Variants in SCN2A observed in about 807,000 individuals in gnomAD.
SCN2A encodes sodium voltage-gated channel alpha subunit 2.
In SCN2A, 20 loss-of-function variants were observed where a neutral mutation model predicts 188.7. The observed-to-expected ratio is 0.11, with a 90% confidence interval of 0.07 to 0.15. The LOEUF (loss-of-function observed/expected upper bound fraction) is 0.15, where lower values mean the gene tolerates loss of function less well. Ranked by LOEUF, SCN2A falls within the 10% of genes least tolerant of loss-of-function variation. SCN2A has a pLI of 1.00. For synonymous variants in SCN2A, 804 were observed against 833.1 expected (o/e 0.97, Z 0.60); for missense variants, 1,278 against 2,445.0 (o/e 0.52, Z 10.07).
In SCN2A at chr2:165,296,048, A is replaced by C; in HGVS notation, c.225A>C (p.Ser75=). 6.2e-7 allele frequency: 1 copy of C among 1,614,100 alleles called. No homozygotes were observed. Residue 75 remains serine, a synonymous_variant, in exon 2 of 27, where the codon TCA becomes TCC. Coordinates refer to ENST00000375437, the MANE Select transcript of SCN2A (RefSeq NM_001040142.2). ...GAGACATTCCTCCAGAGATGGTGTC[A>C]GTGCCCCTGGAGGATCTGGACCCCT... The part of the protein sequence containing the change: ...IYGDIPPEMV[S]VPLEDLDPYY...
intron 5 of SCN2A, 191 bp from the exon 6 acceptor site, chr2:165,309,161 A>G (rs1353116614): frequency 1.2e-6 from 2 of 1,612,860 alleles, no homozygotes; most frequent in Non-Finnish European, 1.7e-6. Flanking sequence ...ATTTAATTCT[A>G]CAGGTATGTA....
At position 165,367,236 on chromosome 2, in the gene SCN2A, G is replaced by A. The variant is rs1700776564; in HGVS notation, c.3540G>A (p.Lys1180=). The change falls in exon 19 of 27, where the codon AAG becomes AAA. Residue 1180 remains lysine (K), a synonymous_variant. Transcript: ENST00000375437. ...TTTTAGACTGTGTACGGAAGTTCAA[G>A]TGTTGTCAGATAAGCATAGAAGAAG... ...CFTEDCVRKF[K]CCQISIEEGK... is the part of the protein sequence containing the mutation. The A allele has an allele frequency of 6.2e-7, 1 of 1,614,106 alleles. No individual in the cohort carries two copies. The highest frequency in any genetic ancestry group is 2.2e-5 in the East Asian group (1 of 44,876).
chr2:165,355,755 A>G (rs928175062), intron 17 of SCN2A, among the ~76,000 whole-genome samples: 1 of 152,080 alleles, frequency 6.6e-6, no homozygotes, highest in Non-Finnish European at 1.5e-5. Context: ...ATAGTTATAA[A>G]AAAAGAACAA....
At chr2:165,376,814 A>G (rs1701340468) in intron 22 of SCN2A, among the ~76,000 whole-genome samples, 1 of 151,932 alleles carries the variant, frequency 6.6e-6, no homozygotes, top group Non-Finnish European at 1.5e-5. Flanking sequence ...AATTAAGACT[A>G]TTGTGTCTGC....
Position 165,365,131 on chromosome 2 carries a change from A to T in SCN2A, c.3400-12A>T. 6.2e-7 allele frequency: 1 copy of T among 1,611,338 alleles called. No homozygotes were observed. The highest frequency in any genetic ancestry group is 8.5e-7 in the Non-Finnish European group (1 of 1,178,130). On this transcript the variant is annotated splice_polypyrimidine_tract_variant and intron_variant, in intron 17 of 26. Coordinates refer to ENST00000375437, the MANE Select transcript of SCN2A (RefSeq NM_001040142.2). ...ATAATTAAATGTGTTTTTTTGTGGG[A>T]TTGATTTTCAGAAGCTAAATGCAAC... is the stretch of plus-strand genomic sequence containing the variant.
At chr2:165,309,306 TTC>T in intron 5 of SCN2A, 44 bp from the exon 6 acceptor site, 1 of 1,613,472 alleles carries the variant, frequency 6.2e-7, no homozygotes, top group Non-Finnish European at 8.5e-7. Flanking sequence ...CTCCAACTGT[TTC>T]TTGTGTTCTG....
chr2:165,354,132 A>G (rs556975671), intron 16 of SCN2A, 60 bp from the exon 17 acceptor site: 1 of 1,606,248 alleles, frequency 6.2e-7, no homozygotes, highest in Admixed American at 1.7e-5. Flanking sequence ...AAAACTAATG[A>G]TGGAAAGCAA....
chr2:165,249,112 T>A (rs1400182400), intron 1 of SCN2A, among the ~76,000 whole-genome samples: 1 of 152,172 alleles, frequency 6.6e-6, no homozygotes, highest in East Asian at 1.9e-4. Context: ...TGTTTGCTTG[T>A]TCATCTTCTA....
At position 165,338,002 on chromosome 2, in the gene SCN2A, T is replaced by G. The variant is rs1207295157; in HGVS notation, c.2389-4294T>G. Among the ~76,000 whole-genome samples the G allele has an allele frequency of 3.3e-5, 5 of 152,172 alleles. No homozygotes were observed. In the East Asian group the frequency reaches 9.6e-4, roughly 29 times the overall value. ...AAATCACAGGGGTTTGGCATACAGA[T>G]TATTTCATCATCCAGGTAATAAGCA... is the stretch of plus-strand genomic sequence containing the variant. On this transcript the variant is annotated intron_variant, in intron 14 of 26. Coordinates refer to ENST00000375437, the MANE Select transcript of SCN2A (RefSeq NM_001040142.2).
intron 6 of SCN2A, among the ~76,000 whole-genome samples, chr2:165,309,803 A>T (rs535961073): frequency 6.6e-6 from 1 of 152,168 alleles, no homozygotes; most frequent in Non-Finnish European, 1.5e-5. Flanking sequence ...TAAGCTGCAG[A>T]TAAATGAAAG....
intron 1 of SCN2A, chr2:165,271,425 C>T (rs972842051): frequency 6.6e-6 from 1 of 152,064 alleles, no homozygotes; most frequent in Non-Finnish European, 1.5e-5. Flanking sequence ...GATGGGAATT[C>T]TGTCAACTGA....
chr2:165,354,152 T>C (rs1700067096), intron 16 of SCN2A, 40 bp from the exon 17 acceptor site: 7 of 1,612,022 alleles, frequency 4.3e-6, no homozygotes, highest in Non-Finnish European at 5.9e-6. Flanking sequence ...ATTGAAGCAA[T>C]AGAATGTTTT....
At chr2:165,347,630 C>T (rs997521059) in intron 16 of SCN2A, among the ~76,000 whole-genome samples, 1 of 152,048 alleles carries the variant, frequency 6.6e-6, no homozygotes, top group African/African-American at 2.4e-5. Context: ...ACACTAGTGT[C>T]CTGAATCTTG....
chr2:165,371,753 G>A (rs553988960), intron 20 of SCN2A: 2 of 152,304 alleles, frequency 1.3e-5, no homozygotes, highest in Admixed American at 1.3e-4. Flanking sequence ...TACAGAGGAA[G>A]CTATTGAAGA....
chr2:165,379,985 C>G (rs1462274560), intron 23 of SCN2A, among the ~76,000 whole-genome samples: 1 of 151,772 alleles, frequency 6.6e-6, no homozygotes, highest in African/African-American at 2.4e-5. Flanking sequence ...GCAATAGATT[C>G]ATTTTCAGAA....
chr2:165,353,691 A>G (rs1306883109), intron 16 of SCN2A, among the ~76,000 whole-genome samples: 1 of 152,174 alleles, frequency 6.6e-6, no homozygotes, highest in Non-Finnish European at 1.5e-5. Flanking sequence ...GAATGTGGGC[A>G]GGAGGCACTA....
chr2:165,253,177 A>G (rs999493121), intron 1 of SCN2A, among the ~76,000 whole-genome samples: 1 of 152,102 alleles, frequency 6.6e-6, no homozygotes, highest in Admixed American at 6.6e-5. Context: ...GGAACAGAAG[A>G]TGATTTCACT....
At chr2:165,248,527 T>A (rs1392976850) in intron 1 of SCN2A, among the ~76,000 whole-genome samples, 1 of 152,120 alleles carries the variant, frequency 6.6e-6, no homozygotes, top group Non-Finnish European at 1.5e-5. Flanking sequence ...CTATCCCATT[T>A]AAAAATCTCA....
intron 13 of SCN2A, among the ~76,000 whole-genome samples, chr2:165,329,977 A>G (rs1698590430): frequency 2.0e-5 from 3 of 152,188 alleles, no homozygotes; most frequent in East Asian, 1.9e-4. Context: ...TTTAAAAACA[A>G]TAAGCAATAA....
Sources: gnomAD v4.1 joint callset for allele counts (sites outside exome capture counted in the v4.1 genomes callset) on GRCh38, gnomAD v4.1.1 for gene constraint, MANE v1.5 for transcripts, NCBI Gene and HGNC (gene_info 2026-07-23, HGNC 2026-07-21) for gene names.